The following GRIA1 variants were observed in gnomAD, a reference collection of about 807,000 sequenced individuals.
The protein encoded by GRIA1 is glutamate receptor 1.
GRIA1 carries 31 observed loss-of-function variants against 99.2 expected under a neutral mutation model. That is an observed-to-expected ratio of 0.31 (90% confidence interval 0.23 to 0.42). The LOEUF (loss-of-function observed/expected upper bound fraction) is 0.42. Ranked by LOEUF, GRIA1 falls within the 10% of genes least tolerant of loss-of-function variation. The pLI is 1.00. For missense variants in GRIA1, 782 were observed against 1,157.5 expected, an observed-to-expected ratio of 0.68 and a Z score of 4.71; for synonymous variants, 438 against 432.4, an observed-to-expected ratio of 1.01 and a Z score of -0.16.
At chr5:153,718,398 C>CAAAGGGGTCGGCGGGGCGA (rs1275361896) in intron 11 of GRIA1, among the ~76,000 whole-genome samples, 2 of 152,040 alleles carry the variant, frequency 1.3e-5, no homozygotes, top group African/African-American at 4.8e-5. Flanking sequence ...ACAGGTAAGA[C>CAAAGGGGTCGGCGGGGCGA]AAAGGGGTCG....
intron 11 of GRIA1, among the ~76,000 whole-genome samples, chr5:153,735,947 A>C (rs1761350529): frequency 6.6e-6 from 1 of 152,248 alleles, no homozygotes; most frequent in Admixed American, 6.5e-5. Context: ...TCCATTAGAC[A>C]TACAAAAGGC....
At chr5:153,553,091 A>G (rs767645880) in intron 2 of GRIA1, among the ~76,000 whole-genome samples, 2 of 152,154 alleles carry the variant, frequency 1.3e-5, no homozygotes, top group Non-Finnish European at 2.9e-5. Flanking sequence ...AGCATAAATG[A>G]CAGTGGTGTC....
chr5:153,601,415 G>T (rs1331357659), intron 2 of GRIA1, among the ~76,000 whole-genome samples: 1 of 152,158 alleles, frequency 6.6e-6, no homozygotes, highest in African/African-American at 2.4e-5. Flanking sequence ...CAGCCCTGCT[G>T]TTTTATAATC....
Position 153,615,761 on chromosome 5 carries a change from A to C in GRIA1, c.221-31167A>C, listed in dbSNP as rs1176003524. On this transcript the variant is annotated intron_variant, in intron 2 of 15. Transcript: ENST00000285900. ...ATATTAGGTCATCTTTATACTCGTA[A>C]CAACTTTAAGATGATGGTACCCTTC... Among the ~76,000 whole-genome samples the C allele has an allele frequency of 2.6e-5, 4 of 152,286 alleles. 1 individual carries two copies. The highest frequency in any genetic ancestry group is 9.6e-5 in the African/African-American group (4 of 41,570).
chr5:153,672,360 G>A (rs2149482933), intron 5 of GRIA1, among the ~76,000 whole-genome samples: 1 of 152,304 alleles, frequency 6.6e-6, no homozygotes, highest in Non-Finnish European at 1.5e-5. Flanking sequence ...CATGTAGAAA[G>A]GGGAGTGGAA....
chr5:153,763,519 G>T (rs1006289101), intron 11 of GRIA1, among the ~76,000 whole-genome samples: 15 of 152,196 alleles, frequency 9.9e-5, no homozygotes, highest in Non-Finnish European at 1.8e-4. Context: ...AAAGAGAAAT[G>T]AAATGCAAAT....
At chr5:153,660,797 A>G (rs541990830) in intron 5 of GRIA1, among the ~76,000 whole-genome samples, 1 of 152,278 alleles carries the variant, frequency 6.6e-6, no homozygotes, top group South Asian at 2.1e-4. Context: ...AGAAACACTC[A>G]TTTGGTCTAA....
At chr5:153,561,905 A>T (rs1761161830) in intron 2 of GRIA1, among the ~76,000 whole-genome samples, 1 of 152,208 alleles carries the variant, frequency 6.6e-6, no homozygotes, top group South Asian at 2.1e-4. Flanking sequence ...GAGACTGTGT[A>T]TGTGGGAATT....
chr5:153,532,468 T>G (rs1345970654), intron 2 of GRIA1, among the ~76,000 whole-genome samples: 3 of 152,186 alleles, frequency 2.0e-5, no homozygotes, highest in Non-Finnish European at 4.4e-5. Context: ...AGACACCCAA[T>G]AGACAGGCTG....
At chr5:153,519,536 C>T (rs1581166184) in intron 2 of GRIA1, among the ~76,000 whole-genome samples, 1 of 147,456 alleles carries the variant, frequency 6.8e-6, no homozygotes, top group South Asian at 2.2e-4. Context: ...GCTGAAGAAG[C>T]CAGATTGTGA....
At chr5:153,651,061 A>C (rs113557367) in intron 4 of GRIA1, among the ~76,000 whole-genome samples, 4,722 of 152,232 alleles carry the variant, frequency 0.031, 239 homozygotes, top group African/African-American at 0.11. Context: ...CCTAGGCAAC[A>C]GAGCAAGACT....
intron 5 of GRIA1, among the ~76,000 whole-genome samples, chr5:153,657,309 C>G (rs1755029474): frequency 6.6e-6 from 1 of 152,142 alleles, no homozygotes; most frequent in Non-Finnish European, 1.5e-5. Flanking sequence ...TAATCAATAA[C>G]AAATTTTTCC....
At chr5:153,506,316 GGTGTGTGTGT>G (rs61220170) in intron 2 of GRIA1, among the ~76,000 whole-genome samples, 264 of 140,300 alleles carry the variant, frequency 1.9e-3, no homozygotes, top group African/African-American at 3.6e-3. Flanking sequence ...TGGCAAGAAG[GGTGTGTGTGT>G]GTGTGTGTGT....
At chr5:153,648,430 G>C (rs1019371417) in intron 3 of GRIA1, among the ~76,000 whole-genome samples, 2 of 152,106 alleles carry the variant, frequency 1.3e-5, no homozygotes, top group Non-Finnish European at 2.9e-5. Context: ...TCTCAAAAGA[G>C]CTCCACCTAC....
At chr5:153,660,540 G>A (rs570418848) in intron 5 of GRIA1, among the ~76,000 whole-genome samples, 1 of 152,126 alleles carries the variant, frequency 6.6e-6, no homozygotes, top group Non-Finnish European at 1.5e-5. Flanking sequence ...GAAAGAGTCA[G>A]GAAAGAGAGG....
At chr5:153,779,481 C>G (rs943426986) in intron 13 of GRIA1, among the ~76,000 whole-genome samples, 1 of 152,202 alleles carries the variant, frequency 6.6e-6, no homozygotes, top group Admixed American at 6.5e-5. Flanking sequence ...TGCAGATCCA[C>G]GCTGCTTATT....
intron 8 of GRIA1, among the ~76,000 whole-genome samples, chr5:153,693,172 A>G (rs920408639): frequency 6.6e-6 from 1 of 152,154 alleles, no homozygotes; most frequent in African/African-American, 2.4e-5. Flanking sequence ...TTCAACATCC[A>G]GCTAACAGAT....
At chr5:153,803,873 C>G (rs1388618523) in intron 15 of GRIA1, among the ~76,000 whole-genome samples, 2 of 152,172 alleles carry the variant, frequency 1.3e-5, no homozygotes, top group African/African-American at 4.8e-5. Flanking sequence ...CGGGGTCGCC[C>G]TTGGAGAAGA....
chr5:153,513,441 G>A (rs1459244473), intron 2 of GRIA1, among the ~76,000 whole-genome samples: 3 of 152,158 alleles, frequency 2.0e-5, no homozygotes, highest in Non-Finnish European at 4.4e-5. Context: ...GCAGAACAGT[G>A]GAGGAGATGC....
Sources: gnomAD v4.1 joint callset for allele counts (sites outside exome capture counted in the v4.1 genomes callset) on GRCh38, gnomAD v4.1.1 for gene constraint, MANE v1.5 for transcripts, NCBI Gene and HGNC (gene_info 2026-07-23, HGNC 2026-07-21) for gene names.